The following LDLRAD3 variants were observed in gnomAD, a reference collection of about 807,000 sequenced individuals.
LDLRAD3 encodes the protein low density lipoprotein receptor class A domain containing 3, also known as low-density lipoprotein receptor class A domain-containing protein 3.
Under a neutral mutation model 29.4 loss-of-function variants are expected in LDLRAD3, and 20 were observed. The ratio of observed to expected loss-of-function variants is 0.68; its 90% CI spans 0.48 to 0.99. The LOEUF is 0.99. Ranked by LOEUF, LDLRAD3 falls within the 50% of genes least tolerant of loss-of-function variation. The probability of loss-of-function intolerance (pLI) is 0.00; values close to 1 mark genes in which losing one functional copy is unlikely to be tolerated. For synonymous variants in LDLRAD3, 157 were observed against 192.7 expected, an observed-to-expected ratio of 0.81 and a Z score of 1.53; for missense variants, 420 against 454.3, an observed-to-expected ratio of 0.92 and a Z score of 0.69.
At chr11:36,025,181 C>T (rs1852147387) in intron 1 of LDLRAD3, among the ~76,000 whole-genome samples, 1 of 151,958 alleles carries the variant, frequency 6.6e-6, no homozygotes, top group Non-Finnish European at 1.5e-5. Context: ...GTTTTTGAAG[C>T]GAGAATATAG....
intron 4 of LDLRAD3, among the ~76,000 whole-genome samples, chr11:36,151,531 T>A (rs1174667420): frequency 6.6e-6 from 1 of 152,214 alleles, no homozygotes. Context: ...ACAATTGGGC[T>A]GGGCTGTAGT....
chr11:36,127,238 A>G (rs1471203917), intron 4 of LDLRAD3, among the ~76,000 whole-genome samples: 3 of 152,262 alleles, frequency 2.0e-5, no homozygotes, highest in South Asian at 2.1e-4. Flanking sequence ...AAATATTAAT[A>G]TAATAAAACT....
intron 1 of LDLRAD3, among the ~76,000 whole-genome samples, chr11:36,025,440 G>T: frequency 6.7e-6 from 1 of 149,184 alleles, no homozygotes; most frequent in South Asian, 2.1e-4. Context: ...CCAGTCTGGA[G>T]TGCAGTGGTG....
At chr11:36,004,982 A>T (rs1025521789) in intron 1 of LDLRAD3, among the ~76,000 whole-genome samples, 6 of 152,172 alleles carry the variant, frequency 3.9e-5, no homozygotes, top group Admixed American at 3.9e-4. Flanking sequence ...GGCCCTGCTC[A>T]CAAAACCATT....
chr11:36,015,163 G>A (rs192977206), intron 1 of LDLRAD3, among the ~76,000 whole-genome samples: 4 of 152,342 alleles, frequency 2.6e-5, no homozygotes, highest in Non-Finnish European at 1.5e-5. Context: ...AGAGCCTTGC[G>A]CCAGGTCTGA....
chr11:36,008,893 G>A (rs1020825164), intron 1 of LDLRAD3, among the ~76,000 whole-genome samples: 2 of 152,220 alleles, frequency 1.3e-5, no homozygotes, highest in African/African-American at 2.4e-5. Context: ...TTTTACAGCA[G>A]CATTACAACT....
chr11:36,200,929 G>A (rs990691907), intron 4 of LDLRAD3, among the ~76,000 whole-genome samples: 2 of 152,164 alleles, frequency 1.3e-5, no homozygotes, highest in African/African-American at 2.4e-5. Flanking sequence ...CTGGTCCCAC[G>A]CAGAAGGGAT....
At chr11:36,037,913 G>A (rs1375243775) in intron 2 of LDLRAD3, among the ~76,000 whole-genome samples, 4 of 152,074 alleles carry the variant, frequency 2.6e-5, no homozygotes, top group Non-Finnish European at 5.9e-5. Context: ...TTGCAGAATT[G>A]TTTGTTTGTT....
At chr11:36,138,888 T>G (rs1294094791) in intron 4 of LDLRAD3, among the ~76,000 whole-genome samples, 7 of 152,240 alleles carry the variant, frequency 4.6e-5, no homozygotes, top group Admixed American at 4.6e-4. Context: ...TAACATGTAA[T>G]CCCTATGTAA....
At chr11:35,960,847 G>A (rs1289303149) in intron 1 of LDLRAD3, among the ~76,000 whole-genome samples, 30 of 152,124 alleles carry the variant, frequency 2.0e-4, no homozygotes, top group Admixed American at 1.9e-3. Flanking sequence ...CGCCCGCCTC[G>A]CCTCCCAAAG....
intron 4 of LDLRAD3, among the ~76,000 whole-genome samples, chr11:36,191,210 G>A (rs968741788): frequency 6.6e-6 from 1 of 152,066 alleles, no homozygotes; most frequent in Non-Finnish European, 1.5e-5. Context: ...TGGTGGATCC[G>A]AAGGTGTGGG....
At chr11:36,115,767 G>A (rs1853665981) in intron 4 of LDLRAD3, among the ~76,000 whole-genome samples, 1 of 152,194 alleles carries the variant, frequency 6.6e-6, no homozygotes, top group South Asian at 2.1e-4. Flanking sequence ...GCATGAGACT[G>A]AAGCCTGAGA....
At chr11:36,041,557 C>T (rs1017611610) in intron 2 of LDLRAD3, among the ~76,000 whole-genome samples, 10 of 152,144 alleles carry the variant, frequency 6.6e-5, no homozygotes, top group East Asian at 1.9e-4. Context: ...TTTACATGGC[C>T]GTTAGTCCTG....
chr11:36,168,331 C>G (rs919070819), intron 4 of LDLRAD3, among the ~76,000 whole-genome samples: 7 of 152,074 alleles, frequency 4.6e-5, no homozygotes, highest in Admixed American at 3.3e-4. Flanking sequence ...TTTTTGGTGC[C>G]TCCCTGATGC....
intron 4 of LDLRAD3, among the ~76,000 whole-genome samples, chr11:36,192,109 C>T (rs758743597): frequency 3.3e-5 from 5 of 152,072 alleles, no homozygotes; most frequent in Admixed American, 1.3e-4. Flanking sequence ...TCAAAGAATG[C>T]GATCGCTTTT....
intron 4 of LDLRAD3, among the ~76,000 whole-genome samples, chr11:36,104,736 C>G (rs1262370160): frequency 6.6e-6 from 1 of 152,138 alleles, no homozygotes; most frequent in African/African-American, 2.4e-5. Context: ...TGTTCCTGGT[C>G]TAGTCCGCAC....
intron 1 of LDLRAD3, among the ~76,000 whole-genome samples, chr11:36,013,036 A>G (rs984780130): frequency 3.9e-5 from 6 of 152,216 alleles, no homozygotes; most frequent in Non-Finnish European, 8.8e-5. Flanking sequence ...CAAAGGTATT[A>G]TATTTGGTAT....
At chr11:36,122,458 G>C (rs1853773254) in intron 4 of LDLRAD3, among the ~76,000 whole-genome samples, 1 of 152,190 alleles carries the variant, frequency 6.6e-6, no homozygotes, top group Non-Finnish European at 1.5e-5. Context: ...ACTATCAAGT[G>C]TAATAACGTT....
At chr11:35,957,176 T>A (rs961384346) in intron 1 of LDLRAD3, among the ~76,000 whole-genome samples, 2 of 152,190 alleles carry the variant, frequency 1.3e-5, no homozygotes, top group African/African-American at 4.8e-5. Flanking sequence ...AACACATTGG[T>A]TTATTTATTT....
Sources: allele counts gnomAD v4.1 joint callset (sites outside exome capture counted in the v4.1 genomes callset), GRCh38; gene constraint gnomAD v4.1.1; transcripts MANE v1.5; gene names NCBI Gene and HGNC (gene_info 2026-07-23, HGNC 2026-07-21).